KLF12: variants seen among roughly 807,000 people sequenced by gnomAD.
KLF12 encodes KLF transcription factor 12.
KLF12 carries 9 observed loss-of-function variants against 37.8 expected under a neutral mutation model. The ratio of observed to expected loss-of-function variants is 0.24; its 90% CI spans 0.14 to 0.42. KLF12 has a LOEUF of 0.42. Ranked by LOEUF, KLF12 falls within the 10% of genes least tolerant of loss-of-function variation. KLF12 has a pLI of 1.00. For synonymous variants in KLF12, 208 were observed against 202.1 expected (o/e 1.03, Z -0.25); for missense variants, 411 against 516.0 (o/e 0.80, Z 1.97).
At chr13:74,166,892 T>A in the KLF12 span, among the ~76,000 whole-genome samples, 3 of 152,240 alleles carry the variant, frequency 2.0e-5, no homozygotes, top group African/African-American at 7.2e-5. Context: ...CCCAGGCTTC[T>A]ATCATCTTCC....
chr13:74,256,759 G>A, the KLF12 span, among the ~76,000 whole-genome samples: 2 of 150,206 alleles, frequency 1.3e-5, no homozygotes, highest in Non-Finnish European at 3.0e-5. Flanking sequence ...TTTTGGAAAC[G>A]GCCTACTATT....
chr13:74,085,438 C>T (rs1435862538), intron 1 of KLF12, among the ~76,000 whole-genome samples: 1 of 152,130 alleles, frequency 6.6e-6, no homozygotes, highest in African/African-American at 2.4e-5. Flanking sequence ...CAATCATATG[C>T]CTTGAGCACT....
the KLF12 span, among the ~76,000 whole-genome samples, chr13:74,266,816 G>T: frequency 6.6e-6 from 1 of 152,170 alleles, no homozygotes; most frequent in East Asian, 1.9e-4. Context: ...AATTTGCCTG[G>T]AAGAAGTCAT....
At chr13:73,905,523 T>C (rs748231741) in intron 3 of KLF12, among the ~76,000 whole-genome samples, 14 of 151,982 alleles carry the variant, frequency 9.2e-5, no homozygotes, top group Non-Finnish European at 1.8e-4. Flanking sequence ...CTTGCCATTG[T>C]TAATTTACGT....
At chr13:74,045,002 A>G (rs928152007) in intron 1 of KLF12, among the ~76,000 whole-genome samples, 2 of 152,202 alleles carry the variant, frequency 1.3e-5, no homozygotes, top group Non-Finnish European at 2.9e-5. Context: ...AGGTAGGTAG[A>G]TAGATAAGGG....
chr13:73,888,147 C>T (rs953497441), intron 3 of KLF12, among the ~76,000 whole-genome samples: 2 of 151,988 alleles, frequency 1.3e-5, no homozygotes, highest in Non-Finnish European at 2.9e-5. Context: ...GGACCACAGA[C>T]GTCAGTCACC....
intron 1 of KLF12, among the ~76,000 whole-genome samples, chr13:74,063,275 T>C (rs1360479430): frequency 6.6e-6 from 1 of 152,206 alleles, no homozygotes; most frequent in Non-Finnish European, 1.5e-5. Flanking sequence ...GGAAGAAGTC[T>C]CCTTTCTGGG....
At chr13:74,263,900 A>G in the KLF12 span, among the ~76,000 whole-genome samples, 4 of 152,230 alleles carry the variant, frequency 2.6e-5, no homozygotes, top group East Asian at 7.7e-4. Context: ...ATATCCTTCA[A>G]TTATTTTGGG....
intron 2 of KLF12, among the ~76,000 whole-genome samples, chr13:73,985,142 C>T (rs1015691663): frequency 5.9e-5 from 9 of 152,318 alleles, no homozygotes; most frequent in Middle Eastern, 3.4e-3. Flanking sequence ...GAAAACATGT[C>T]GACGAGAGTC....
In KLF12 at chr13:73,689,224, T is replaced by C. The variant is rs1873676706; in HGVS notation, c.*6266A>G. The C allele has an allele frequency of 6.6e-6, 1 of 152,174 alleles. No individual in the cohort carries two copies. The highest frequency in any genetic ancestry group is 1.5e-5 in the Non-Finnish European group (1 of 68,036). 9.4% of individuals were successfully genotyped at this position (152,174 alleles called of 1,614,324 possible). On this transcript the variant is annotated 3_prime_UTR_variant, in exon 8 of 8. Coordinates refer to ENST00000377669, the MANE Select transcript of KLF12 (RefSeq NM_007249.5). ...TCCTTTGACACTTAATTGGTTATTT[T>C]ACCCCCTTATCCTGGTACATTTCCG...
In KLF12 at chr13:73,884,671, C is replaced by T. The variant is rs143927889; in HGVS notation, c.124-38298G>A. Among the ~76,000 whole-genome samples the T allele has an allele frequency of 2.6e-4, 39 of 152,320 alleles. No homozygotes were observed. In the South Asian group the frequency reaches 7.0e-3, roughly 28 times the overall value. ...GTGCTGTCCCATATGGCAGCCACTA[C>T]GCCCATGTGGCTACTGAGCATTTGA... On this transcript the variant is annotated intron_variant, in intron 3 of 7. Coordinates refer to ENST00000377669, the MANE Select transcript of KLF12 (RefSeq NM_007249.5).
At chr13:74,195,919 G>T in the KLF12 span, among the ~76,000 whole-genome samples, 846 of 152,128 alleles carry the variant, frequency 5.6e-3, 10 homozygotes, top group African/African-American at 0.019. Flanking sequence ...CCACACACGT[G>T]ACATTCATTA....
chr13:74,247,411 T>G, the KLF12 span, among the ~76,000 whole-genome samples: 5 of 152,282 alleles, frequency 3.3e-5, no homozygotes, highest in East Asian at 9.7e-4. Flanking sequence ...TACTGCTAAT[T>G]GAATTTTCCT....
chr13:73,947,277 T>A (rs764835587), intron 2 of KLF12, among the ~76,000 whole-genome samples: 1 of 152,210 alleles, frequency 6.6e-6, no homozygotes, highest in Non-Finnish European at 1.5e-5. Flanking sequence ...AAATCATCCA[T>A]AGAATTTGTT....
chr13:74,139,378 T>C, the KLF12 span, among the ~76,000 whole-genome samples: 2 of 152,264 alleles, frequency 1.3e-5, no homozygotes, highest in African/African-American at 4.8e-5. Flanking sequence ...TGAATGCTTC[T>C]TGAATCAATG....
At chr13:73,790,169 C>T (rs17090405) in intron 5 of KLF12, among the ~76,000 whole-genome samples, 23,916 of 152,074 alleles carry the variant, frequency 0.16, 2,336 homozygotes, top group African/African-American at 0.29. Context: ...AAATTTCAGG[C>T]CATAAATGAA....
At chr13:74,008,591 A>T (rs546780026) in intron 1 of KLF12, among the ~76,000 whole-genome samples, 1 of 152,382 alleles carries the variant, frequency 6.6e-6, no homozygotes, top group East Asian at 1.9e-4. Flanking sequence ...TTAAACTGCA[A>T]TACTACCATT....
At chr13:74,168,241 G>A in the KLF12 span, among the ~76,000 whole-genome samples, 9 of 152,108 alleles carry the variant, frequency 5.9e-5, no homozygotes, top group Admixed American at 2.6e-4. Flanking sequence ...TTCTTTGCCC[G>A]TCTTCTCACA....
chr13:73,948,394 T>A (rs1455803018), intron 2 of KLF12, among the ~76,000 whole-genome samples: 6 of 152,160 alleles, frequency 3.9e-5, no homozygotes. Flanking sequence ...ATTTTTTCTA[T>A]TTTTTGTAGA....
Sources: gnomAD v4.1 joint callset for allele counts (sites outside exome capture counted in the v4.1 genomes callset) on GRCh38, gnomAD v4.1.1 for gene constraint, MANE v1.5 for transcripts, NCBI Gene and HGNC (gene_info 2026-07-23, HGNC 2026-07-21) for gene names.